Variants in KLHL29 observed in about 807,000 individuals in gnomAD.
KLHL29 encodes kelch-like protein 29.
Under a neutral mutation model 80.4 loss-of-function variants are expected in KLHL29, and 21 were observed. The ratio of observed to expected loss-of-function variants is 0.26; its 90% CI spans 0.19 to 0.38. KLHL29 has a LOEUF of 0.38. Ranked by LOEUF, KLHL29 falls within the 10% of genes least tolerant of loss-of-function variation. The pLI is 1.00. For synonymous variants in KLHL29, 511 were observed against 526.8 expected (o/e 0.97, Z 0.41); for missense variants, 867 against 1,223.9 (o/e 0.71, Z 4.35).
At chr2:23,597,448 G>T (rs1668457791) in intron 3 of KLHL29, among the ~76,000 whole-genome samples, 1 of 103,340 alleles carries the variant, frequency 9.7e-6, no homozygotes, top group South Asian at 3.8e-4. Flanking sequence ...TTCTGAGACA[G>T]AGTCTCGCTC....
At chr2:23,418,946 C>T (rs1435607142) in intron 1 of KLHL29, among the ~76,000 whole-genome samples, 1 of 152,144 alleles carries the variant, frequency 6.6e-6, no homozygotes, top group Non-Finnish European at 1.5e-5. Context: ...CCAGATGGCA[C>T]TTTCCATGGT....
At chr2:23,598,490 C>T (rs1362965061) in intron 3 of KLHL29, among the ~76,000 whole-genome samples, 2 of 152,232 alleles carry the variant, frequency 1.3e-5, no homozygotes, top group Admixed American at 6.5e-5. Context: ...CCTGGCTGTT[C>T]CCTGCCAATC....
At chr2:23,487,499 C>G (rs558806465) in intron 2 of KLHL29, among the ~76,000 whole-genome samples, 1 of 152,186 alleles carries the variant, frequency 6.6e-6, no homozygotes, top group Admixed American at 6.5e-5. Flanking sequence ...TCTGGGAACC[C>G]TGGCTGCATG....
At chr2:23,480,446 C>T (rs934228222) in intron 2 of KLHL29, among the ~76,000 whole-genome samples, 1 of 151,960 alleles carries the variant, frequency 6.6e-6, no homozygotes, top group African/African-American at 2.4e-5. Flanking sequence ...GAGATCGCAC[C>T]ACTGCACCAC....
chr2:23,652,816 C>T (rs897362406), intron 5 of KLHL29, among the ~76,000 whole-genome samples: 10 of 152,198 alleles, frequency 6.6e-5, no homozygotes, highest in African/African-American at 2.2e-4. Context: ...GTCCTGCTGT[C>T]CACTCGGCTG....
At chr2:23,597,398 TATATATATA>T (rs1264460818) in intron 3 of KLHL29, among the ~76,000 whole-genome samples, 645 of 100,848 alleles carry the variant, frequency 6.4e-3, no homozygotes, top group Non-Finnish European at 0.01. Flanking sequence ...TATATATATA[TATATATATA>T]TTTTTTTTTT....
intron 5 of KLHL29, among the ~76,000 whole-genome samples, chr2:23,674,946 G>T (rs1328734159): frequency 6.6e-6 from 1 of 151,980 alleles, no homozygotes; most frequent in Non-Finnish European, 1.5e-5. Flanking sequence ...CAGGCTTCCA[G>T]TCCCCACAGA....
chr2:23,536,890 TCACACACACA>T (rs111611960), intron 2 of KLHL29, among the ~76,000 whole-genome samples: 3 of 143,116 alleles, frequency 2.1e-5, no homozygotes, highest in African/African-American at 5.4e-5. Context: ...AAGACAGATC[TCACACACACA>T]CACACACACA....
chr2:23,696,594 C>CA lies in KLHL29; in HGVS notation c.2105+82dup. On this transcript the variant is annotated intron_variant, in intron 11 of 13. Transcript: ENST00000486442. The surrounding 1 kb of genome is among the most constrained non-coding windows in gnomAD (Gnocchi z 5.5). ...TCACGTCACTCACTGTACCTCCCAA[C>CA]ACCCACTCAGTGGCGATGGAGCAGA... 7.8e-6 allele frequency: 9 copies of CA among 1,150,262 alleles called. No individual in the cohort carries two copies. The South Asian group carries it at 1.4e-4, about 18-fold the overall frequency. The allele number at this position is 1,150,262 out of a possible 1,614,324, so 71.3% of individuals were successfully genotyped here.
chr2:23,504,488 G>C (rs991127365), intron 2 of KLHL29, among the ~76,000 whole-genome samples: 1 of 152,204 alleles, frequency 6.6e-6, no homozygotes, highest in Non-Finnish European at 1.5e-5. Flanking sequence ...AAAGGCGGCT[G>C]TCTGGAGCCC....
Position 23,693,477 on chromosome 2 carries a change from G to A in KLHL29, c.1491G>A (p.Val497=). The A allele has an allele frequency of 1.3e-6, 2 of 1,551,698 alleles. No homozygotes were observed. The highest frequency in any genetic ancestry group is 1.4e-5 in the African/African-American group (1 of 73,188). The change falls in exon 8 of 14, where the codon GTG becomes GTA. Residue 497 remains valine, a synonymous_variant. Transcript: ENST00000486442. The part of the protein sequence containing the change: ...DSLNTKAEEL[V]YETVIKWIKK... Reference sequence around the variant, plus strand: ...TCAACACCAAGGCTGAGGAGCTGGTGTACGAGACAGTCATCAAGTGGATCA... The same window carrying A: ...TCAACACCAAGGCTGAGGAGCTGGTATACGAGACAGTCATCAAGTGGATCA...
At chr2:23,578,867 A>G (rs1405776529) in intron 3 of KLHL29, among the ~76,000 whole-genome samples, 2 of 152,216 alleles carry the variant, frequency 1.3e-5, no homozygotes, top group African/African-American at 2.4e-5. Context: ...ATAGTACTCA[A>G]CAGTCTACAG....
chr2:23,502,937 C>G (rs1665495935), intron 2 of KLHL29, among the ~76,000 whole-genome samples: 1 of 152,204 alleles, frequency 6.6e-6, no homozygotes, highest in Non-Finnish European at 1.5e-5. Flanking sequence ...TAGCAGGACT[C>G]AGGTCTGTTG....
chr2:23,644,452 C>T (rs938452219), intron 5 of KLHL29, among the ~76,000 whole-genome samples: 3 of 152,208 alleles, frequency 2.0e-5, no homozygotes, highest in African/African-American at 7.2e-5. Context: ...TGGCTTGCCA[C>T]GTTCCAGGCA....
intron 3 of KLHL29, among the ~76,000 whole-genome samples, chr2:23,606,299 G>A (rs1489571826): frequency 6.6e-6 from 1 of 152,106 alleles, no homozygotes; most frequent in South Asian, 2.1e-4. Context: ...CACACAGCCT[G>A]CTCAGGAAAG....
intron 2 of KLHL29, among the ~76,000 whole-genome samples, chr2:23,480,588 T>C (rs947799742): frequency 6.6e-6 from 1 of 152,248 alleles, no homozygotes; most frequent in African/African-American, 2.4e-5. Context: ...CTTTAACCAC[T>C]ACTTTCAACT....
chr2:23,575,604 C>A (rs543013181), intron 3 of KLHL29, among the ~76,000 whole-genome samples: 1 of 152,238 alleles, frequency 6.6e-6, no homozygotes, highest in African/African-American at 2.4e-5. Flanking sequence ...CATTAAATAA[C>A]CTTGGGAGGT....
intron 3 of KLHL29, among the ~76,000 whole-genome samples, chr2:23,619,236 C>T (rs986060797): frequency 5.3e-5 from 8 of 152,236 alleles, no homozygotes; most frequent in African/African-American, 1.9e-4. Flanking sequence ...CTTCCTGCAG[C>T]AGGTGAGGCT....
intron 2 of KLHL29, among the ~76,000 whole-genome samples, chr2:23,556,016 C>T (rs934571472): frequency 1.3e-5 from 2 of 152,190 alleles, no homozygotes; most frequent in Non-Finnish European, 2.9e-5. Flanking sequence ...GATCAATGAC[C>T]GAACATTCCA....
Sources: allele counts gnomAD v4.1 joint callset (sites outside exome capture counted in the v4.1 genomes callset), GRCh38; gene constraint gnomAD v4.1.1; non-coding constraint Gnocchi (gnomAD v3.1); transcripts MANE v1.5; gene names NCBI Gene and HGNC (gene_info 2026-07-23, HGNC 2026-07-21).